The following OTOP1 variants were observed in gnomAD, a reference collection of about 807,000 sequenced individuals.
The protein encoded by OTOP1 is otopetrin 1, also known as proton channel OTOP1.
In OTOP1, 59 loss-of-function variants were observed where a neutral mutation model predicts 52.9. That is an observed-to-expected ratio of 1.12 (90% CI 0.91 to 1.39). The LOEUF (loss-of-function observed/expected upper bound fraction) is 1.39, where lower values mean the gene tolerates loss of function less well. OTOP1 is among the 40% of genes most tolerant of loss of function. The pLI is 0.00. For synonymous variants in OTOP1, 317 were observed against 337.7 expected (o/e 0.94, Z 0.67); for missense variants, 761 against 800.9 (o/e 0.95, Z 0.60).
At chr4:4,218,897 C>G (rs1211427063) in intron 1 of OTOP1, among the ~76,000 whole-genome samples, 4 of 151,832 alleles carry the variant, frequency 2.6e-5, no homozygotes, top group Non-Finnish European at 5.9e-5. Context: ...CCACTGCACT[C>G]CAGCCTGGGT....
At position 4,207,573 on chromosome 4, in the gene OTOP1, G is replaced by A. The variant is rs576750892; in HGVS notation, c.541-1443C>T. ...GCTTTTTTTTTTAGAATTACCATAC[G>A]GTCCAGCAATACCACTTCTGGGTAT... On this transcript the variant is annotated intron_variant, in intron 2 of 5. Transcript: ENST00000296358. Among the ~76,000 whole-genome samples the A allele has an allele frequency of 3.5e-5, 5 of 142,020 alleles. No individual in the cohort carries two copies. In the East Asian group the frequency reaches 1.0e-3, roughly 28 times the overall value. 93.2% of individuals were successfully genotyped at this position (142,020 alleles called of 152,430 possible).
At chr4:4,199,200 T>TA (rs1363020480) in intron 4 of OTOP1, among the ~76,000 whole-genome samples, 65 of 112,586 alleles carry the variant, frequency 5.8e-4, no homozygotes, top group African/African-American at 2.1e-3. Context: ...AAATATAATT[T>TA]AAAAAAAACT....
intron 1 of OTOP1, among the ~76,000 whole-genome samples, chr4:4,216,097 C>G (rs1394025879): frequency 6.6e-6 from 1 of 151,840 alleles, no homozygotes; most frequent in African/African-American, 2.4e-5. Flanking sequence ...CTGAGCCCGG[C>G]TGAAAGTATA....
At chr4:4,201,981 C>A (rs989731176) in intron 4 of OTOP1, among the ~76,000 whole-genome samples, 50 of 152,190 alleles carry the variant, frequency 3.3e-4, no homozygotes, top group African/African-American at 1.2e-3. Flanking sequence ...AATTATAAGC[C>A]AATACAGTTA....
chr4:4,218,412 T>G (rs1336466616), intron 1 of OTOP1, among the ~76,000 whole-genome samples: 23 of 139,672 alleles, frequency 1.6e-4, no homozygotes, highest in African/African-American at 6.1e-4. Context: ...AAAACCTAAG[T>G]TGGAAAAGGA....
In OTOP1 at chr4:4,190,227, C is replaced by T. The variant is rs1272608829; in HGVS notation, c.1669-1254G>A. Among the ~76,000 whole-genome samples the T allele has an allele frequency of 2.0e-5, 3 of 152,180 alleles. No individual in the cohort carries two copies. The East Asian group carries it at 5.8e-4, about 29-fold the overall frequency. On this transcript the variant is annotated intron_variant, in intron 5 of 5. Transcript: ENST00000296358. ...GTGGCTCACACCTATAATCCCAGAA[C>T]TTTGGGAGGCCAAGGCAGGTGGATC...
rs200557787 is a variant in OTOP1 at position 4,197,537 on chromosome 4, T to C, written c.1297A>G (p.Ile433Val). The change falls in exon 5 of 6, where the codon ATC becomes GTC. Residue 433 changes from isoleucine to valine, a missense_variant. Coordinates refer to ENST00000296358, the MANE Select transcript of OTOP1 (RefSeq NM_177998.3). ...WYNLPYSILA[I>V]VEKYIQNLFI... ...AGGTTCTGGATGTACTTCTCCACGA[T>C]CGCCAGGATGGAGTAGGGCAGGTTG... is the stretch of plus-strand genomic sequence containing the variant. The C allele has an allele frequency of 6.2e-7, 1 of 1,613,956 alleles. No homozygotes were observed. Among genetic ancestry groups the C allele is most frequent in the Non-Finnish European group, 8.5e-7 (1 of 1,179,970 alleles).
intron 1 of OTOP1, among the ~76,000 whole-genome samples, chr4:4,219,048 G>A (rs1401529490): frequency 6.6e-6 from 1 of 151,158 alleles, no homozygotes; most frequent in African/African-American, 2.5e-5. Flanking sequence ...AGGCAAACAT[G>A]TGGAAAAGGA....
Position 4,226,486 on chromosome 4 carries a change from G to T in OTOP1, c.379C>A (p.His127Asn), listed in dbSNP as rs1454697528. 3 of 1,555,324 alleles carry T rather than the reference G, an allele frequency of 1.9e-6. No homozygotes were observed. The highest frequency in any genetic ancestry group is 1.4e-5 in the African/African-American group (1 of 71,504). ...CCGCGCAGCCAGCCGGCACCCGCGT[G>T]CGTGTCCTTGAGGCGGAAGAGGCGG... Reference protein sequence around the residue: ...HRRLFRLKDTHAGAGWLRGSI... With the variant: ...HRRLFRLKDTNAGAGWLRGSI... The change falls in exon 1 of 6, where the codon CAC becomes AAC. Residue 127 changes from histidine (H) to asparagine (N), a missense_variant. Physicochemically the swap from His to Asn is moderately conservative, Grantham distance 68. Around this residue, in one of 3 missense-constraint regions of OTOP1, gnomAD observed 632 missense variants for 619.5 expected, o/e 1.02. Coordinates refer to ENST00000296358, the MANE Select transcript of OTOP1 (RefSeq NM_177998.3).
At chr4:4,201,435 T>A (rs9990575) in intron 4 of OTOP1, among the ~76,000 whole-genome samples, 2,073 of 142,062 alleles carry the variant, frequency 0.015, 56 homozygotes, top group African/African-American at 0.052. Flanking sequence ...TCAAAAAAAA[T>A]AAATAAAATA....
At chr4:4,206,390 G>A (rs1164560183) in intron 2 of OTOP1, among the ~76,000 whole-genome samples, 1 of 152,178 alleles carries the variant, frequency 6.6e-6, no homozygotes, top group African/African-American at 2.4e-5. Context: ...CTGTGATATG[G>A]GGGTGATTGA....
At chr4:4,209,111 G>A (rs1230454035) in intron 2 of OTOP1, among the ~76,000 whole-genome samples, 1 of 152,118 alleles carries the variant, frequency 6.6e-6, no homozygotes, top group Non-Finnish European at 1.5e-5. Context: ...CATCAAAGCA[G>A]GAGATGCATG....
chr4:4,204,323 G>T (rs1577179084), intron 3 of OTOP1, among the ~76,000 whole-genome samples: 1 of 152,262 alleles, frequency 6.6e-6, no homozygotes, highest in East Asian at 1.9e-4. Flanking sequence ...TCCCCGAGGT[G>T]CCTGGGAAGC....
intron 1 of OTOP1, among the ~76,000 whole-genome samples, chr4:4,219,651 C>A (rs1717232334): frequency 6.7e-6 from 1 of 149,064 alleles, no homozygotes; most frequent in South Asian, 2.1e-4. Context: ...GAGCCAAGAT[C>A]GTGCCACTGC....
Position 4,212,920 on chromosome 4 carries a change from G to T in OTOP1, c.488C>A (p.Ser163Ter). 1 of 1,614,108 alleles carries T rather than the reference G, an allele frequency of 6.2e-7. No individual in the cohort carries two copies. Among genetic ancestry groups the T allele is most frequent in the Non-Finnish European group, 8.5e-7 (1 of 1,179,980 alleles). ...GYFIGFSECL[S>*]ATEGVFPVTH... ...GACTGGGAAAACTCCTTCAGTGGCTGATAAACATTCTGAAAATCCAATGAA... is the reference window on the plus strand; with the variant it reads ...GACTGGGAAAACTCCTTCAGTGGCTTATAAACATTCTGAAAATCCAATGAA... The change falls in exon 2 of 6, where the codon TCA (serine) becomes TAA (stop). Residue 163 changes from serine to a stop codon, truncating the protein, a stop_gained. Transcript: ENST00000296358. LOFTEE classifies it high-confidence loss of function.
chr4:4,199,676 G>A (rs1716736276), intron 4 of OTOP1, among the ~76,000 whole-genome samples: 1 of 152,160 alleles, frequency 6.6e-6, no homozygotes, highest in Non-Finnish European at 1.5e-5. Flanking sequence ...GCCTCCCAAA[G>A]TTCTGGGATT....
At position 4,197,386 on chromosome 4, in the gene OTOP1, C is replaced by A. The variant is rs752199403; in HGVS notation, c.1448G>T (p.Gly483Val). ...PLASSCPKSG[G>V]VARDVAPQGK... ...CTGGGGAGCCACATCTCTGGCCACACCTCCACTCTTGGGGCAGGAAGAAGC... is the reference window on the plus strand; with the variant it reads ...CTGGGGAGCCACATCTCTGGCCACAACTCCACTCTTGGGGCAGGAAGAAGC... Residue 483 changes from glycine (G) to valine (V), a missense_variant, in exon 5 of 6, where the codon GGT (glycine) becomes GTT (valine). Gly to Val is a moderately radical substitution (Grantham distance 109). Around this residue, in one of 3 missense-constraint regions of OTOP1, gnomAD observed 632 missense variants for 619.5 expected, o/e 1.02. Transcript: ENST00000296358. 1.9e-6 allele frequency: 3 copies of A among 1,614,094 alleles called. No individual in the cohort carries two copies. The highest frequency in any genetic ancestry group is 2.5e-6 in the Non-Finnish European group (3 of 1,180,020).
intron 4 of OTOP1, among the ~76,000 whole-genome samples, chr4:4,200,780 A>T (rs1407991736): frequency 6.8e-6 from 1 of 147,152 alleles, no homozygotes; most frequent in Non-Finnish European, 1.5e-5. Flanking sequence ...CTGGTCTCAA[A>T]TTCCTAGGCT....
intron 3 of OTOP1, 99 bp downstream of exon 3, chr4:4,205,973 G>T: frequency 9.8e-7 from 1 of 1,025,300 alleles, no homozygotes; most frequent in Non-Finnish European, 1.5e-6. Context: ...GGGAGAGTTG[G>T]TCTGTTTTTA....
Sources: gnomAD v4.1 joint callset for allele counts (sites outside exome capture counted in the v4.1 genomes callset) on GRCh38, gnomAD v4.1.1 for gene constraint, gnomAD v4.1.1 regional missense constraint, MANE v1.5 for transcripts, NCBI Gene and HGNC (gene_info 2026-07-23, HGNC 2026-07-21) for gene names.